Variants in SLC27A6 observed in about 807,000 individuals in gnomAD.
SLC27A6 encodes long-chain fatty acid transport protein 6.
A neutral mutation model predicts 63.9 loss-of-function variants in SLC27A6; 74 were observed. That is an observed-to-expected ratio of 1.16 (90% confidence interval 0.96 to 1.40). SLC27A6 has a LOEUF of 1.40. Among genes scored for constraint, SLC27A6 ranks in the 40% most tolerant of loss-of-function variants. SLC27A6 has a pLI of 0.00. For synonymous variants in SLC27A6, 287 were observed against 260.8 expected (o/e 1.10, Z -0.97); for missense variants, 794 against 732.9 (o/e 1.08, Z -0.96).
chr5:129,003,259 A>G (rs1751405451), intron 4 of SLC27A6, among the ~76,000 whole-genome samples: 1 of 152,136 alleles, frequency 6.6e-6, no homozygotes, highest in Non-Finnish European at 1.5e-5. Flanking sequence ...AAGTTCTGTG[A>G]AAAGGAATTT....
At chr5:128,966,796 G>T (rs1749922089) in intron 1 of SLC27A6, among the ~76,000 whole-genome samples, 178 bp downstream of exon 1, 2 of 152,066 alleles carry the variant, frequency 1.3e-5, no homozygotes, top group South Asian at 2.1e-4. Context: ...CTCCCTTCAG[G>T]CACGTAGTTT....
chr5:128,994,801 A>G (rs1364054074), intron 4 of SLC27A6, among the ~76,000 whole-genome samples: 1 of 152,198 alleles, frequency 6.6e-6, no homozygotes, highest in Non-Finnish European at 1.5e-5. Context: ...GTGTAGTTGC[A>G]CAAAGACTCC....
At chr5:128,994,766 G>A (rs950659975) in intron 4 of SLC27A6, among the ~76,000 whole-genome samples, 2 of 152,202 alleles carry the variant, frequency 1.3e-5, no homozygotes, top group African/African-American at 4.8e-5. Context: ...GCAGGCAGAA[G>A]TCAGAATGTG....
At chr5:129,031,028 C>T (rs1353948512) in intron 9 of SLC27A6, among the ~76,000 whole-genome samples, 1 of 151,924 alleles carries the variant, frequency 6.6e-6, no homozygotes, top group African/African-American at 2.4e-5. Flanking sequence ...GTTGACAGGA[C>T]AAATAATATT....
At chr5:128,987,176 A>G (rs1424359508) in intron 2 of SLC27A6, among the ~76,000 whole-genome samples, 1 of 152,098 alleles carries the variant, frequency 6.6e-6, no homozygotes, top group African/African-American at 2.4e-5. Context: ...ATATATGTAT[A>G]TGTTCTCTTT....
chr5:129,015,596 A>T (rs544862827), intron 4 of SLC27A6, among the ~76,000 whole-genome samples: 60 of 152,196 alleles, frequency 3.9e-4, no homozygotes, highest in African/African-American at 1.4e-3. Flanking sequence ...TTCCTGAAAA[A>T]TGCTTTCTTC....
At chr5:128,971,240 T>G (rs1447544583) in intron 1 of SLC27A6, among the ~76,000 whole-genome samples, 1 of 152,134 alleles carries the variant, frequency 6.6e-6, no homozygotes, top group Non-Finnish European at 1.5e-5. Flanking sequence ...TTCTGTTGAT[T>G]TGGGGTGGAG....
chr5:128,995,079 T>C (rs1003375426), intron 4 of SLC27A6, among the ~76,000 whole-genome samples: 1 of 152,238 alleles, frequency 6.6e-6, no homozygotes, highest in Non-Finnish European at 1.5e-5. Flanking sequence ...CTTCCAAGTT[T>C]TCTATGTCAC....
chr5:129,022,322 GCATATAGTTGGTGCC>G (rs1231062813), intron 5 of SLC27A6, among the ~76,000 whole-genome samples: 11 of 152,134 alleles, frequency 7.2e-5, no homozygotes, highest in African/African-American at 2.7e-4. Flanking sequence ...ACAGTGTCCA[GCATATAGTTGGTGCC>G]CAATCAATAT....
chr5:128,979,340 C>T (rs1164646587), intron 1 of SLC27A6, among the ~76,000 whole-genome samples: 1 of 151,866 alleles, frequency 6.6e-6, no homozygotes, highest in Non-Finnish European at 1.5e-5. Flanking sequence ...TGCTCTCAGA[C>T]ACAAGTTTGG....
intron 4 of SLC27A6, among the ~76,000 whole-genome samples, chr5:129,015,223 T>C (rs910571782): frequency 6.6e-6 from 1 of 152,152 alleles, no homozygotes; most frequent in African/African-American, 2.4e-5. Flanking sequence ...TTACTAGATA[T>C]AGAACAAAAT....
At chr5:128,995,811 A>G (rs983100727) in intron 4 of SLC27A6, among the ~76,000 whole-genome samples, 4 of 152,178 alleles carry the variant, frequency 2.6e-5, no homozygotes, top group African/African-American at 9.7e-5. Flanking sequence ...TATTCCCATC[A>G]GAGTAGTTGA....
chr5:129,026,095 A>G (rs1752236021), intron 6 of SLC27A6, among the ~76,000 whole-genome samples: 1 of 152,164 alleles, frequency 6.6e-6, no homozygotes, highest in Admixed American at 6.6e-5. Context: ...TGATCATGCC[A>G]CTTCACTCCA....
At chr5:128,975,501 G>A (rs1750344850) in intron 1 of SLC27A6, among the ~76,000 whole-genome samples, 1 of 141,124 alleles carries the variant, frequency 7.1e-6, no homozygotes, top group Non-Finnish European at 1.6e-5. Context: ...CTACAAACTT[G>A]TACCAGGATA....
intron 5 of SLC27A6, among the ~76,000 whole-genome samples, chr5:129,017,104 C>T (rs1024836529): frequency 6.6e-6 from 1 of 152,190 alleles, no homozygotes; most frequent in East Asian, 1.9e-4. Context: ...AACCACTAAT[C>T]GACATATGAA....
At chr5:129,021,253 C>T (rs1355301507) in intron 5 of SLC27A6, among the ~76,000 whole-genome samples, 1 of 151,254 alleles carries the variant, frequency 6.6e-6, no homozygotes, top group Non-Finnish European at 1.5e-5. Context: ...TAGAGATCAC[C>T]TCCCAGAAGC....
intron 4 of SLC27A6, among the ~76,000 whole-genome samples, chr5:128,996,648 G>A (rs763276676): frequency 5.9e-4 from 90 of 152,182 alleles, no homozygotes; most frequent in Non-Finnish European, 1.0e-3. Context: ...AACACAAGAA[G>A]TGATTTATGG....
At chr5:128,974,863 A>G (rs2526253) in intron 1 of SLC27A6, among the ~76,000 whole-genome samples, 36,693 of 152,176 alleles carry the variant, frequency 0.24, 4,972 homozygotes, top group Middle Eastern at 0.33. Flanking sequence ...CATCTTTTGT[A>G]AAGTGGCTAG....
At chr5:128,969,325 A>T (rs1252666096) in intron 1 of SLC27A6, among the ~76,000 whole-genome samples, 1 of 142,112 alleles carries the variant, frequency 7.0e-6, no homozygotes, top group East Asian at 1.9e-4. Context: ...CTTGATGGGG[A>T]TGGCATTGAA....
Sources: gnomAD v4.1 joint callset for allele counts (sites outside exome capture counted in the v4.1 genomes callset) on GRCh38, gnomAD v4.1.1 for gene constraint, MANE v1.5 for transcripts, NCBI Gene and HGNC (gene_info 2026-07-23, HGNC 2026-07-21) for gene names.